Variants in CCDC102B observed in about 807,000 individuals in gnomAD.
CCDC102B encodes the protein coiled-coil domain containing 102B.
Under a neutral mutation model 57.4 loss-of-function variants are expected in CCDC102B, and 75 were observed. The observed-to-expected ratio is 1.31, with a 90% CI of 1.08 to 1.58. The LOEUF (loss-of-function observed/expected upper bound fraction) is 1.58, where lower values mean the gene tolerates loss of function less well. CCDC102B is among the 40% of genes most tolerant of loss of function. The pLI is 0.00. For missense variants in CCDC102B, 636 were observed against 582.6 expected (o/e 1.09, Z -0.94); for synonymous variants, 206 against 201.9 (o/e 1.02, Z -0.17).
chr18:68,945,122 C>CCACACACACACACACACACACACA (rs34611934), intron 6 of CCDC102B, among the ~76,000 whole-genome samples: 5 of 143,942 alleles, frequency 3.5e-5, no homozygotes, highest in African/African-American at 7.7e-5. Flanking sequence ...CTCTCTCTCT[C>CCACACACACACACACACACACACA]CACACACACA....
intron 1 of CCDC102B, among the ~76,000 whole-genome samples, chr18:68,814,366 A>G (rs1183383557): frequency 2.0e-5 from 3 of 152,166 alleles, no homozygotes; most frequent in Admixed American, 2.0e-4. Flanking sequence ...CTGTCAATGA[A>G]TCAGCCACTG....
chr18:68,852,417 T>A (rs577632681), intron 4 of CCDC102B, among the ~76,000 whole-genome samples: 1 of 152,168 alleles, frequency 6.6e-6, no homozygotes, highest in South Asian at 2.1e-4. Flanking sequence ...GTCCCTTACA[T>A]AAAATGGCAT....
Position 68,838,865 on chromosome 18 carries a change from G to A in CCDC102B, c.766G>A (p.Glu256Lys). ...INLPLENEVTEISALQVHLDE... is the reference protein window; with the variant it reads ...INLPLENEVTKISALQVHLDE... ...TCTGCCTTTGGAAAATGAAGTAACT[G>A]AAATTTCAGCTTTGCAGGTGCATTT... Residue 256 changes from glutamate (E) to lysine (K), a missense_variant, in exon 3 of 8, where the codon GAA (glutamate) becomes AAA (lysine). Glu to Lys is a moderately conservative substitution (Grantham distance 56). Coordinates refer to ENST00000360242, the MANE Select transcript of CCDC102B (RefSeq NM_024781.3). 1 of 1,613,946 alleles carries A rather than the reference G, an allele frequency of 6.2e-7. No individual in the cohort carries two copies. The highest frequency in any genetic ancestry group is 1.1e-5 in the South Asian group (1 of 91,072).
intron 2 of CCDC102B, among the ~76,000 whole-genome samples, chr18:68,778,554 G>A (rs499881): frequency 0.072 from 11,004 of 151,972 alleles, 764 homozygotes; most frequent in African/African-American, 0.18. Context: ...AATAAGTAGT[G>A]AACAAACAAA....
At chr18:68,807,045 A>C (rs1340492060) in intron 1 of CCDC102B, among the ~76,000 whole-genome samples, 1 of 152,130 alleles carries the variant, frequency 6.6e-6, no homozygotes, top group Non-Finnish European at 1.5e-5. Flanking sequence ...CCTTGTTGAA[A>C]GGGGGAACAC....
At chr18:68,810,671 C>CTTTGTTTGTTTTTTTTTTTTTTTT in intron 1 of CCDC102B, among the ~76,000 whole-genome samples, 1 of 70,062 alleles carries the variant, frequency 1.4e-5, no homozygotes, top group South Asian at 4.2e-4. Context: ...ATTTTCTTTT[C>CTTTGTTTGTTTTTTTTTTTTTTTT]TTTTCTTTGT....
intron 5 of CCDC102B, among the ~76,000 whole-genome samples, chr18:68,893,042 C>A (rs1056570030): frequency 2.0e-5 from 3 of 152,162 alleles, no homozygotes; most frequent in African/African-American, 7.2e-5. Context: ...TGGGAGTTTT[C>A]TCCATTGACT....
chr18:69,053,536 A>C (rs926731786), intron 7 of CCDC102B, among the ~76,000 whole-genome samples: 1 of 151,864 alleles, frequency 6.6e-6, no homozygotes, highest in Admixed American at 6.6e-5. Context: ...CTGAATATGT[A>C]CATTAACTCT....
chr18:68,957,479 T>A (rs968844014), intron 6 of CCDC102B, among the ~76,000 whole-genome samples: 4 of 152,062 alleles, frequency 2.6e-5, no homozygotes, highest in African/African-American at 9.7e-5. Context: ...TGTGAGTCTC[T>A]TTTTATGTCA....
In CCDC102B at chr18:68,834,067, G is replaced by A. The variant is rs758163901; in HGVS notation, c.-15-2682G>A. On this transcript the variant is annotated intron_variant, in intron 1 of 7. Coordinates refer to ENST00000360242, the MANE Select transcript of CCDC102B (RefSeq NM_024781.3). ...TGTTAACCAGTCTCATCTCAAGCAA[G>A]TTTTCCTTGCCTGAGAAAACTTTTT... Among the ~76,000 whole-genome samples, 5 of 152,020 alleles carry A rather than the reference G, an allele frequency of 3.3e-5. No individual in the cohort carries two copies. The South Asian group carries it at 6.2e-4, about 19-fold the overall frequency.
intron 5 of CCDC102B, among the ~76,000 whole-genome samples, chr18:68,892,161 T>A (rs991098490): frequency 6.6e-6 from 1 of 152,196 alleles, no homozygotes; most frequent in African/African-American, 2.4e-5. Flanking sequence ...GCTTTCCTCC[T>A]GTCCCTTTCC....
chr18:68,896,750 A>G (rs897177912), intron 5 of CCDC102B, among the ~76,000 whole-genome samples: 1 of 152,018 alleles, frequency 6.6e-6, no homozygotes, highest in Admixed American at 6.6e-5. Flanking sequence ...GGCAACTGCA[A>G]ATGTTGCATA....
At chr18:68,887,269 T>A (rs2039923126) in intron 5 of CCDC102B, among the ~76,000 whole-genome samples, 1 of 152,128 alleles carries the variant, frequency 6.6e-6, no homozygotes, top group Non-Finnish European at 1.5e-5. Flanking sequence ...AGCATTCAGG[T>A]AAAAACAAGC....
At chr18:68,936,508 G>T (rs2049241605) in intron 6 of CCDC102B, among the ~76,000 whole-genome samples, 2 of 151,874 alleles carry the variant, frequency 1.3e-5, no homozygotes, top group Admixed American at 1.3e-4. Context: ...TCTACTTTTA[G>T]AAATATGCAA....
chr18:68,998,918 C>A (rs985677648), intron 6 of CCDC102B, among the ~76,000 whole-genome samples: 1 of 148,662 alleles, frequency 6.7e-6, no homozygotes, highest in South Asian at 2.1e-4. Context: ...TGCTTTGCAT[C>A]CTTCAATCCA....
chr18:68,882,533 T>C (rs974344885), intron 5 of CCDC102B, among the ~76,000 whole-genome samples: 1 of 152,238 alleles, frequency 6.6e-6, no homozygotes, highest in African/African-American at 2.4e-5. Flanking sequence ...TTGATAGAAA[T>C]TGGATTAAGT....
intron 4 of CCDC102B, among the ~76,000 whole-genome samples, chr18:68,849,495 A>C (rs2038027468): frequency 6.6e-6 from 1 of 152,032 alleles, no homozygotes; most frequent in Non-Finnish European, 1.5e-5. Flanking sequence ...CAGGGCCACT[A>C]TCATCTCCTT....
chr18:69,056,003 G>A (rs2163477), downstream of CCDC102B, among the ~76,000 whole-genome samples: 120,129 of 151,950 alleles, frequency 0.79, 51,075 homozygotes, highest in Non-Finnish European at 0.95. Context: ...CCCTTCCAGG[G>A]TTGCTATGAA....
chr18:68,736,576 A>G (rs60195890), intron 2 of CCDC102B, among the ~76,000 whole-genome samples: 251 of 151,954 alleles, frequency 1.7e-3, no homozygotes, highest in African/African-American at 5.9e-3. Context: ...AGTGTTAGTT[A>G]TGTTTGTGCT....
Sources: allele counts gnomAD v4.1 joint callset (sites outside exome capture counted in the v4.1 genomes callset), GRCh38; gene constraint gnomAD v4.1.1; transcripts MANE v1.5; gene names NCBI Gene and HGNC (gene_info 2026-07-23, HGNC 2026-07-21).